NELL2: variants seen among roughly 807,000 people sequenced by gnomAD.
NELL2 encodes the protein protein kinase C-binding protein NELL2.
Under a neutral mutation model 109.6 loss-of-function variants are expected in NELL2, and 41 were observed. That is an observed-to-expected ratio of 0.37 (90% confidence interval 0.29 to 0.49). NELL2 has a LOEUF of 0.49. Among genes scored for constraint, NELL2 ranks in the 20% least tolerant of loss-of-function variants. The probability of loss-of-function intolerance (pLI) is 0.98; values close to 1 mark genes in which losing one functional copy is unlikely to be tolerated. For synonymous variants in NELL2, 355 were observed against 344.7 expected, an observed-to-expected ratio of 1.03 and a Z score of -0.33; for missense variants, 900 against 1,008.3, an observed-to-expected ratio of 0.89 and a Z score of 1.45.
chr12:44,656,496 A>G (rs1188073033), intron 13 of NELL2, among the ~76,000 whole-genome samples: 6 of 152,238 alleles, frequency 3.9e-5, no homozygotes, highest in Admixed American at 2.6e-4. Flanking sequence ...TTTCCTCAAC[A>G]TAAGAACTTG....
chr12:44,584,727 A>G (rs1368034807), intron 15 of NELL2, among the ~76,000 whole-genome samples: 2 of 152,098 alleles, frequency 1.3e-5, no homozygotes, highest in Non-Finnish European at 2.9e-5. Flanking sequence ...CCATGTTGCT[A>G]TAAATTCTGT....
chr12:44,786,731 A>G (rs1013683234), intron 3 of NELL2, among the ~76,000 whole-genome samples: 2 of 152,214 alleles, frequency 1.3e-5, no homozygotes, highest in South Asian at 2.1e-4. Flanking sequence ...TTGCAGGGAC[A>G]TGGATGAAGC....
At chr12:44,549,489 TGTCATAATACATTTTGG>T (rs1344224907) in intron 15 of NELL2, among the ~76,000 whole-genome samples, 2 of 152,188 alleles carry the variant, frequency 1.3e-5, no homozygotes, top group East Asian at 3.8e-4. Context: ...CTATTGTATT[TGTCATAATACATTTTGG>T]CTCTATTTAC....
At chr12:44,742,091 G>A (rs866498345) in intron 9 of NELL2, among the ~76,000 whole-genome samples, 27 of 152,184 alleles carry the variant, frequency 1.8e-4, no homozygotes, top group Middle Eastern at 6.8e-3. Context: ...TCACACAGCC[G>A]GGTACTCCTC....
intron 13 of NELL2, among the ~76,000 whole-genome samples, chr12:44,627,994 A>G (rs1441458451): frequency 6.6e-6 from 1 of 152,218 alleles, no homozygotes; most frequent in Non-Finnish European, 1.5e-5. Context: ...ACATGTTCTA[A>G]CATAGTTTGG....
At chr12:44,903,005 T>C (rs868106874) in intron 1 of NELL2, among the ~76,000 whole-genome samples, 31 of 152,266 alleles carry the variant, frequency 2.0e-4, no homozygotes, top group African/African-American at 7.0e-4. Flanking sequence ...AAAGACTTCA[T>C]GACTAAAATA....
In NELL2 at chr12:44,543,122, T is replaced by C. The variant is rs530154463; in HGVS notation, c.1664-10401A>G. ...TTATTCTAGACTTCTCTCCCTCTAG[T>C]TCCTACCTGTATATTCAATTTATCA... On this transcript the variant is annotated intron_variant, in intron 15 of 19. Coordinates refer to ENST00000429094, the MANE Select transcript of NELL2 (RefSeq NM_001145108.2). 5.3e-5 allele frequency among the ~76,000 whole-genome samples: 8 copies of C among 152,306 alleles called. No homozygotes were observed. In the South Asian group the frequency reaches 1.7e-3, roughly 32 times the overall value.
chr12:44,688,121 A>G (rs1815873964), intron 12 of NELL2, among the ~76,000 whole-genome samples: 3 of 152,234 alleles, frequency 2.0e-5, no homozygotes, highest in African/African-American at 7.2e-5. Context: ...AATTTTCAAA[A>G]TGAGAACAAA....
At chr12:44,543,111 T>G (rs1038563722) in intron 15 of NELL2, among the ~76,000 whole-genome samples, 1 of 152,180 alleles carries the variant, frequency 6.6e-6, no homozygotes, top group African/African-American at 2.4e-5. Flanking sequence ...TCTAGACTTC[T>G]CTCCCTCTAG....
intron 3 of NELL2, among the ~76,000 whole-genome samples, chr12:44,801,672 T>C (rs2136654086): frequency 6.6e-6 from 1 of 152,244 alleles, no homozygotes; most frequent in South Asian, 2.1e-4. Flanking sequence ...AGTGAGCATT[T>C]AATGAGATTA....
At chr12:44,812,146 T>C (rs1206030833) in intron 3 of NELL2, among the ~76,000 whole-genome samples, 1 of 152,162 alleles carries the variant, frequency 6.6e-6, no homozygotes, top group African/African-American at 2.4e-5. Flanking sequence ...TTACATGCAA[T>C]GTGGTGTGAA....
At chr12:44,803,120 G>A (rs1942887638) in intron 3 of NELL2, among the ~76,000 whole-genome samples, 1 of 151,998 alleles carries the variant, frequency 6.6e-6, no homozygotes, top group African/African-American at 2.4e-5. Context: ...GACAAGATGA[G>A]TAACAAGTAA....
chr12:44,510,866 C>A (rs1294967649), intron 19 of NELL2, among the ~76,000 whole-genome samples: 2 of 152,140 alleles, frequency 1.3e-5, no homozygotes, highest in Non-Finnish European at 2.9e-5. Flanking sequence ...TCTGAGGTGC[C>A]GGCTCAGAGG....
chr12:44,631,631 C>G (rs1946460438), intron 13 of NELL2, among the ~76,000 whole-genome samples: 1 of 152,022 alleles, frequency 6.6e-6, no homozygotes, highest in South Asian at 2.1e-4. Context: ...ACCTCAGCAT[C>G]ACACAATATG....
At chr12:44,751,373 GTATCTGAGCCTTTGATACA>G (rs1047747639) in intron 9 of NELL2, among the ~76,000 whole-genome samples, 8 of 152,086 alleles carry the variant, frequency 5.3e-5, no homozygotes, top group Non-Finnish European at 1.0e-4. Context: ...GGTGCTGGAA[GTATCTGAGCCTTTGATACA>G]TATTTCACAT....
At position 44,875,804 on chromosome 12, in the gene NELL2, C is replaced by G; in HGVS notation, c.55+11G>C. 1 of 1,613,352 alleles carries G rather than the reference C, an allele frequency of 6.2e-7. No individual in the cohort carries two copies. Among genetic ancestry groups the G allele is most frequent in the South Asian group, 1.1e-5 (1 of 91,078 alleles). ...ATCCCTTTCCCCAGCCCCAGCTCTG[C>G]GGCCACTCACCTGCTCCGAGACCGA... On this transcript the variant is annotated intron_variant, in intron 1 of 19. Transcript: ENST00000429094.
At chr12:44,787,411 A>C (rs980755777) in intron 3 of NELL2, among the ~76,000 whole-genome samples, 1 of 151,548 alleles carries the variant, frequency 6.6e-6, no homozygotes, top group African/African-American at 2.4e-5. Flanking sequence ...AGCTGTAGAC[A>C]ACATTATCCT....
chr12:44,770,414 G>A (rs906313025), intron 9 of NELL2, among the ~76,000 whole-genome samples: 1 of 152,160 alleles, frequency 6.6e-6, no homozygotes, highest in Non-Finnish European at 1.5e-5. Flanking sequence ...AAGTCTCACA[G>A]CTAATAAGTT....
chr12:44,694,670 G>A (rs1320581985), intron 12 of NELL2, among the ~76,000 whole-genome samples: 2 of 151,412 alleles, frequency 1.3e-5, no homozygotes, highest in Admixed American at 6.6e-5. Flanking sequence ...ATTAATGACA[G>A]TTTTGAAAGT....
Sources: allele counts gnomAD v4.1 joint callset (sites outside exome capture counted in the v4.1 genomes callset), GRCh38; gene constraint gnomAD v4.1.1; transcripts MANE v1.5; gene names NCBI Gene and HGNC (gene_info 2026-07-23, HGNC 2026-07-21).